The following PCNX2 variants were observed in gnomAD, a reference collection of about 807,000 sequenced individuals.
PCNX2 encodes the protein pecanex 2.
PCNX2 carries 168 observed loss-of-function variants against 223.8 expected under a neutral mutation model. That is an observed-to-expected ratio of 0.75 (90% CI 0.66 to 0.85). The LOEUF (loss-of-function observed/expected upper bound fraction) is 0.85, where lower values mean the gene tolerates loss of function less well. Ranked by LOEUF, PCNX2 falls within the 40% of genes least tolerant of loss-of-function variation. The probability of loss-of-function intolerance (pLI) is 0.00; values close to 1 mark genes in which losing one functional copy is unlikely to be tolerated. For synonymous variants in PCNX2, 1,006 were observed against 1,052.6 expected, an observed-to-expected ratio of 0.96 and a Z score of 0.86; for missense variants, 2,507 against 2,675.5, an observed-to-expected ratio of 0.94 and a Z score of 1.39.
At chr1:233,223,171 A>G (rs559288126) in intron 10 of PCNX2, among the ~76,000 whole-genome samples, 9 of 152,326 alleles carry the variant, frequency 5.9e-5, no homozygotes, top group Admixed American at 5.9e-4. Context: ...TGAGTCCTGG[A>G]AACCAAGAGA....
At chr1:233,207,087 G>A (rs1681517599) in intron 13 of PCNX2, among the ~76,000 whole-genome samples, 1 of 152,154 alleles carries the variant, frequency 6.6e-6, no homozygotes, top group Admixed American at 6.5e-5. Flanking sequence ...AAGATGTGTT[G>A]AGGATGCATA....
At chr1:233,109,144 A>G (rs10797602) in intron 21 of PCNX2, among the ~76,000 whole-genome samples, 25,904 of 152,194 alleles carry the variant, frequency 0.17, 2,321 homozygotes, top group African/African-American at 0.23. Flanking sequence ...CCACTCGCCA[A>G]CTAGGTTCAT....
Position 233,126,161 on chromosome 1 carries a change from G to C in PCNX2, c.3837+8852C>G, listed in dbSNP as rs1676085926. The C allele has an allele frequency of 6.6e-6, 1 of 151,910 alleles. No homozygotes were observed. The highest frequency in any genetic ancestry group is 1.5e-5 in the Non-Finnish European group (1 of 68,064). 9.4% of individuals were successfully genotyped at this position (151,910 alleles called of 1,614,324 possible). The stretch of plus-strand genomic sequence containing the variant: ...GAAGGCAGAGGTTGCAGTGAGCTGA[G>C]ATCACGCCACTGCACTCCAGCCTGG... On this transcript the variant is annotated intron_variant, in intron 21 of 33. Coordinates refer to ENST00000258229, the MANE Select transcript of PCNX2 (RefSeq NM_014801.4). The surrounding 1 kb of genome is among the most constrained non-coding windows in gnomAD (Gnocchi z 4.8).
intron 19 of PCNX2, among the ~76,000 whole-genome samples, chr1:233,148,900 G>A (rs1471494722): frequency 1.3e-5 from 2 of 152,212 alleles, no homozygotes; most frequent in Non-Finnish European, 2.9e-5. Context: ...AAACAAAAGT[G>A]TAAGTCCAGA....
intron 1 of PCNX2, among the ~76,000 whole-genome samples, chr1:233,288,065 G>GT (rs1422423610): frequency 1.3e-5 from 2 of 152,174 alleles, no homozygotes; most frequent in Admixed American, 6.5e-5. Context: ...ACCATTAAAA[G>GT]TGAGTCCATT....
At chr1:233,308,964 G>A in the PCNX2 span, among the ~76,000 whole-genome samples, 1 of 152,110 alleles carries the variant, frequency 6.6e-6, no homozygotes. Context: ...ATGAGTCTTA[G>A]AGAAAATCCA....
At chr1:233,024,614 T>C (rs777704786) in intron 26 of PCNX2, among the ~76,000 whole-genome samples, 18 of 152,324 alleles carry the variant, frequency 1.2e-4, no homozygotes, top group African/African-American at 3.1e-4. Flanking sequence ...TTGAATACAA[T>C]TGGGCAGATG....
At chr1:233,285,004 C>G in intron 1 of PCNX2, 2 of 985,256 alleles carry the variant, frequency 2.0e-6, no homozygotes, top group East Asian at 1.1e-4. Flanking sequence ...TGAGCAGGAC[C>G]CCCTGCTAAC....
the PCNX2 span, among the ~76,000 whole-genome samples, chr1:233,304,076 T>A: frequency 6.6e-6 from 1 of 152,218 alleles, no homozygotes. Flanking sequence ...GATCTATTTT[T>A]TATTATTCAA....
intron 1 of PCNX2, among the ~76,000 whole-genome samples, chr1:233,269,551 A>G (rs949417816): frequency 1.3e-5 from 2 of 152,230 alleles, no homozygotes; most frequent in Non-Finnish European, 2.9e-5. Flanking sequence ...TAGGATTACA[A>G]AGAAAATGGT....
At chr1:233,272,759 A>C (rs894727603) in intron 1 of PCNX2, among the ~76,000 whole-genome samples, 11 of 152,204 alleles carry the variant, frequency 7.2e-5, no homozygotes, top group Admixed American at 2.6e-4. Context: ...CCCATCAATC[A>C]ATGAGTGGAT....
rs141184148 is a variant in PCNX2 at position 233,074,321 on chromosome 1, G to A, written c.4076+15740C>T. Among the ~76,000 whole-genome samples, 746 of 152,242 alleles carry A rather than the reference G, an allele frequency of 4.9e-3. 7 individuals are homozygous for A. The highest frequency in any genetic ancestry group is 0.017 in the African/African-American group (704 of 41,548). On this transcript the variant is annotated intron_variant, in intron 23 of 33. Transcript: ENST00000258229. ...TTTTGTTAAGAGGACGAGGCCGGGC[G>A]CGGTGGCTCACGCCTGTAATCCCAG...
intron 1 of PCNX2, among the ~76,000 whole-genome samples, chr1:233,272,140 T>C (rs1660668665): frequency 6.6e-6 from 1 of 151,948 alleles, no homozygotes; most frequent in African/African-American, 2.4e-5. Context: ...TGTAAATAAG[T>C]AGGACTTAAT....
At position 233,081,869 on chromosome 1, in the gene PCNX2, G is replaced by A. The variant is rs181671733; in HGVS notation, c.4076+8192C>T. ...CTGTCCTACTCTGAGCAAATGCCTC[G>A]GGGCTCTGAGCTGCAGCTGCTTTCC... On this transcript the variant is annotated intron_variant, in intron 23 of 33. Coordinates refer to ENST00000258229, the MANE Select transcript of PCNX2 (RefSeq NM_014801.4). 7.4e-4 allele frequency among the ~76,000 whole-genome samples: 112 copies of A among 151,362 alleles called. 2 individuals carry two copies. In the East Asian group the frequency reaches 0.017, roughly 23 times the overall value.
chr1:233,245,654 G>A (rs1223492104), intron 8 of PCNX2, among the ~76,000 whole-genome samples: 1 of 152,186 alleles, frequency 6.6e-6, no homozygotes, highest in Admixed American at 6.5e-5. Context: ...GGTGACTCAC[G>A]CCTGCAATCC....
chr1:233,181,153 T>C (rs1352596146), intron 15 of PCNX2: 1 of 151,596 alleles, frequency 6.6e-6, no homozygotes, highest in African/African-American at 2.4e-5. Context: ...TACTTTCTTT[T>C]CATTGGTCCC....
In PCNX2 at chr1:233,139,740, T is replaced by C; in HGVS notation, c.3633A>G (p.Ile1211Met). The C allele has an allele frequency of 6.2e-7, 1 of 1,607,848 alleles. No individual in the cohort carries two copies. Among genetic ancestry groups the C allele is most frequent in the Non-Finnish European group, 8.5e-7 (1 of 1,176,732 alleles). Residue 1211 changes from isoleucine to methionine, a missense_variant, in exon 20 of 34, where the codon ATA becomes ATG. Ile to Met is a conservative substitution (Grantham distance 10). Transcript: ENST00000258229. This position sits in a 1 kb window ranked among gnomAD's most constrained non-coding sequence, Gnocchi z 4.4. ...LNALTIDAFL[I>M]SNHRRLGTHW... Reference sequence around the variant, plus strand: ...GGGTACCAAGTCTCCGGTGATTGCTTATTAAAAATGCATCAATAGTGAGGG... The same window carrying C: ...GGGTACCAAGTCTCCGGTGATTGCTCATTAAAAATGCATCAATAGTGAGGG...
In PCNX2 at chr1:233,016,964, AC is replaced by A. The variant is rs1670689996; in HGVS notation, c.4795del (p.Val1599PhefsTer3). ...QGITRASFCN[V>X]YLEWIQHCAR... ...ACAGTGTTGAATCCATTCTAGATAA[AC>A]ATTGCAGAAGCTAGCTCGTGTGATC... On this transcript the variant is annotated frameshift_variant, in exon 27 of 34. Transcript: ENST00000258229. LOFTEE classifies it high-confidence loss of function. 1 of 1,613,440 alleles carries A rather than the reference AC, an allele frequency of 6.2e-7. No homozygotes were observed. The highest frequency in any genetic ancestry group is 1.7e-5 in the Admixed American group (1 of 59,994).
At chr1:233,179,271 G>T (rs774020227) in intron 15 of PCNX2, 96 bp from the exon 16 acceptor site, 22 of 1,262,232 alleles carry the variant, frequency 1.7e-5, no homozygotes, top group Non-Finnish European at 2.4e-5. Flanking sequence ...GGTCCAGCTG[G>T]ATGGATGAGT....
Sources: allele counts gnomAD v4.1 joint callset (sites outside exome capture counted in the v4.1 genomes callset), GRCh38; gene constraint gnomAD v4.1.1; non-coding constraint Gnocchi (gnomAD v3.1); transcripts MANE v1.5; gene names NCBI Gene and HGNC (gene_info 2026-07-23, HGNC 2026-07-21).